The following BAIAP2 variants were observed in gnomAD, a reference collection of about 807,000 sequenced individuals.
The protein encoded by BAIAP2 is BAR/IMD domain-containing adapter protein 2.
Under a neutral mutation model 63.0 loss-of-function variants are expected in BAIAP2, and 18 were observed. The observed-to-expected ratio is 0.29, with a 90% CI of 0.20 to 0.42. BAIAP2 has a LOEUF of 0.42. Ranked by LOEUF, BAIAP2 falls within the 10% of genes least tolerant of loss-of-function variation. The pLI is 1.00. For missense variants in BAIAP2, 610 were observed against 734.3 expected (o/e 0.83, Z 1.96); for synonymous variants, 386 against 307.6 (o/e 1.25, Z -2.67).
chr17:81,075,155 G>A (rs1216524991), intron 3 of BAIAP2, among the ~76,000 whole-genome samples: 2 of 152,200 alleles, frequency 1.3e-5, no homozygotes, highest in African/African-American at 2.4e-5. Context: ...TTTGCATTCC[G>A]GCTGTGCCCA....
At chr17:81,043,160 T>A (rs535927127) in intron 1 of BAIAP2, among the ~76,000 whole-genome samples, 1 of 152,286 alleles carries the variant, frequency 6.6e-6, no homozygotes, top group African/African-American at 2.4e-5. Flanking sequence ...AGCCACTGCA[T>A]CCGGTCTAGG....
At chr17:81,058,415 G>T (rs564926917) in intron 3 of BAIAP2, among the ~76,000 whole-genome samples, 3 of 152,344 alleles carry the variant, frequency 2.0e-5, no homozygotes, top group Non-Finnish European at 4.4e-5. Flanking sequence ...TTGATGCTTT[G>T]TCTGTGTTTA....
chr17:81,062,912 TCCCCCCCGCCC>T (rs1300724945), intron 3 of BAIAP2, among the ~76,000 whole-genome samples: 1 of 132,562 alleles, frequency 7.5e-6, no homozygotes, highest in East Asian at 2.6e-4. Context: ...GAGTGTTACT[TCCCCCCCGCCC>T]CCCCGCCGCC....
Position 81,060,759 on chromosome 17 carries a change from T to C in BAIAP2, c.217+2792T>C, listed in dbSNP as rs116657401. On this transcript the variant is annotated intron_variant, in intron 3 of 13. Transcript: ENST00000428708. ...CCCTCCTAGTGTGGCCAAGTCCTAC[T>C]GCACAGAGGCGGCTCCCTCGGCTGC... is the stretch of plus-strand genomic sequence containing the variant. Among the ~76,000 whole-genome samples the C allele has an allele frequency of 2.0e-3, 300 of 152,324 alleles. 1 individual carries two copies. The highest frequency in any genetic ancestry group is 6.8e-3 in the African/African-American group (282 of 41,572).
chr17:81,099,599 C>T (rs1335252953), intron 6 of BAIAP2, among the ~76,000 whole-genome samples: 1 of 152,164 alleles, frequency 6.6e-6, no homozygotes, highest in East Asian at 1.9e-4. Flanking sequence ...GTGCACGCGA[C>T]CCCACCCCAC....
At chr17:81,100,838 G>T (rs1363831555) in intron 7 of BAIAP2, among the ~76,000 whole-genome samples, 1 of 152,118 alleles carries the variant, frequency 6.6e-6, no homozygotes, top group Admixed American at 6.5e-5. Context: ...CTGGTCACAG[G>T]GTCCTCCCCT....
intron 3 of BAIAP2, among the ~76,000 whole-genome samples, chr17:81,070,721 T>G: frequency 6.6e-6 from 1 of 152,152 alleles, no homozygotes; most frequent in East Asian, 1.9e-4. Flanking sequence ...AGGGGCCCTC[T>G]GCAGCCTCCA....
At position 81,101,627 on chromosome 17, in the gene BAIAP2, G is replaced by A. The variant is rs112950308; in HGVS notation, c.642+1547G>A. ...ACCCACCACACTCTCATGTACGTGC[G>A]CGTGCGTGCACACACACACACACGC... On this transcript the variant is annotated intron_variant, in intron 7 of 13. Transcript: ENST00000428708. Among the ~76,000 whole-genome samples the A allele has an allele frequency of 1.7e-3, 235 of 138,180 alleles. 2 individuals are homozygous for A. Among genetic ancestry groups the A allele is most frequent in the African/African-American group, 5.0e-3 (202 of 40,284 alleles). 90.7% of individuals were successfully genotyped at this position (138,180 alleles called of 152,430 possible).
chr17:81,036,311 C>T (rs747402631), intron 1 of BAIAP2, among the ~76,000 whole-genome samples: 8 of 152,230 alleles, frequency 5.3e-5, no homozygotes, highest in Non-Finnish European at 1.2e-4. Context: ...AAACTGTCTG[C>T]AGGTTCAGTG....
At chr17:81,050,441 A>C (rs1338371638) in intron 1 of BAIAP2, among the ~76,000 whole-genome samples, 1 of 152,162 alleles carries the variant, frequency 6.6e-6, no homozygotes, top group Non-Finnish European at 1.5e-5. Flanking sequence ...CCCGTGCGTC[A>C]TGCGGTAGGC....
chr17:81,066,603 C>T lies in BAIAP2; in HGVS notation c.217+8636C>T, dbSNP rs529721240. ...TCCCTCCGTGTGTGCGGCATCTCTG[C>T]GTCTCTGAAACGTGGGGCCCTGTGC... On this transcript the variant is annotated intron_variant, in intron 3 of 13. Coordinates refer to ENST00000428708, the MANE Select transcript of BAIAP2 (RefSeq NM_001144888.2). Among the ~76,000 whole-genome samples, 6 of 152,340 alleles carry T rather than the reference C, an allele frequency of 3.9e-5. No homozygotes were observed. The South Asian group carries it at 6.2e-4, about 16-fold the overall frequency.
At chr17:81,109,728 C>T (rs1026293996) in intron 13 of BAIAP2, 97 of 985,300 alleles carry the variant, frequency 9.8e-5, no homozygotes, top group African/African-American at 1.4e-4. Context: ...CACCTCCCGT[C>T]GGGCACTGGC....
chr17:81,048,752 G>A (rs2048212685), intron 1 of BAIAP2, among the ~76,000 whole-genome samples: 1 of 152,060 alleles, frequency 6.6e-6, no homozygotes, highest in East Asian at 1.9e-4. Context: ...CTGTAGTAGG[G>A]ACAGCTAGGG....
intron 3 of BAIAP2, among the ~76,000 whole-genome samples, chr17:81,070,367 C>T (rs537931167): frequency 6.4e-4 from 98 of 152,330 alleles, no homozygotes; most frequent in Middle Eastern, 6.8e-3. Context: ...AGGCAGCCTT[C>T]GGGCTGGGTA....
At chr17:81,080,086 C>T (rs940465580) in intron 3 of BAIAP2, among the ~76,000 whole-genome samples, 4 of 152,220 alleles carry the variant, frequency 2.6e-5, no homozygotes, top group Non-Finnish European at 5.9e-5. Context: ...AGTTGCTCAG[C>T]GGAACTCACT....
At chr17:81,089,451 G>A (rs2056327729) in intron 6 of BAIAP2, among the ~76,000 whole-genome samples, 1 of 152,222 alleles carries the variant, frequency 6.6e-6, no homozygotes, top group African/African-American at 2.4e-5. Flanking sequence ...GGTGCCCCAG[G>A]GGCTGACTGA....
chr17:81,050,752 CATGCACACATGCATGTGTGT>C lies in BAIAP2; in HGVS notation c.55-2904_55-2885del, dbSNP rs1227046947. Among the ~76,000 whole-genome samples, 550 of 150,730 alleles carry C rather than the reference CATGCACACATGCATGTGTGT, an allele frequency of 3.6e-3. 5 individuals carry two copies. Among genetic ancestry groups the C allele is most frequent in the South Asian group, 0.016 (76 of 4,668 alleles). On this transcript the variant is annotated intron_variant, in intron 1 of 13. Coordinates refer to ENST00000428708, the MANE Select transcript of BAIAP2 (RefSeq NM_001144888.2). ...ATGTGCACATGCACACGTGGACACA[CATGCACACATGCATGTGTGT>C]ATGCACACATGGGCACAGATGTGCA...
chr17:81,066,549 C>T (rs1416115210), intron 3 of BAIAP2, among the ~76,000 whole-genome samples: 1 of 152,208 alleles, frequency 6.6e-6, no homozygotes, highest in Non-Finnish European at 1.5e-5. Flanking sequence ...CCGCAGGTGT[C>T]GGCCTCCCTC....
At chr17:81,093,395 C>T (rs1023006016) in intron 6 of BAIAP2, among the ~76,000 whole-genome samples, 6 of 144,286 alleles carry the variant, frequency 4.2e-5, no homozygotes, top group African/African-American at 1.3e-4. Context: ...CAGAGATGCC[C>T]GGGGCTACAA....
Sources: gnomAD v4.1 joint callset for allele counts (sites outside exome capture counted in the v4.1 genomes callset) on GRCh38, gnomAD v4.1.1 for gene constraint, MANE v1.5 for transcripts, NCBI Gene and HGNC (gene_info 2026-07-23, HGNC 2026-07-21) for gene names.